Variants in ODAD1 observed in about 807,000 individuals in gnomAD.
ODAD1 encodes the protein outer dynein arm-docking complex subunit 1.
Under a neutral mutation model 67.2 loss-of-function variants are expected in ODAD1, and 49 were observed. That is an observed-to-expected ratio of 0.73 (90% confidence interval 0.58 to 0.92). The LOEUF (loss-of-function observed/expected upper bound fraction) is 0.92. ODAD1 is among the 40% of genes least tolerant of loss of function. ODAD1 has a pLI of 0.00. For synonymous variants in ODAD1, 345 were observed against 393.7 expected (o/e 0.88, Z 1.46); for missense variants, 897 against 953.7 (o/e 0.94, Z 0.78).
rs777461665 is a variant in ODAD1 at position 48,318,449 on chromosome 19, G to C, written c.298C>G (p.Arg100Gly). 2 of 1,551,626 alleles carry C rather than the reference G, an allele frequency of 1.3e-6. No homozygotes were observed. ...LENMDRLLKG[R>G]AQVQAEIEEL... ...TCGATCTCCGCCTGCACCTGGGCCC[G>C]GCCCTTCAGCAGGCGGTCCATGTTC... is the stretch of plus-strand genomic sequence containing the variant. The change falls in exon 5 of 16, where the codon CGG (arginine) becomes GGG (glycine). Residue 100 changes from arginine to glycine, a missense_variant. Physicochemically the swap from Arg to Gly is moderately radical, Grantham distance 125. Coordinates refer to ENST00000674294, the MANE Select transcript of ODAD1 (RefSeq NM_001364171.2).
chr19:48,318,765 C>G lies in ODAD1; in HGVS notation c.118G>C (p.Gly40Arg). 6.4e-7 allele frequency: 1 copy of G among 1,551,450 alleles called. No homozygotes were observed. Among genetic ancestry groups the G allele is most frequent in the Non-Finnish European group, 8.7e-7 (1 of 1,146,880 alleles). ...RLQRQCKVMEGERRAYSKEVH... is the reference protein window; with the variant it reads ...RLQRQCKVMERERRAYSKEVH... ...TCCTTGCTGTAGGCCCGCCTCTCCC[C>G]TTCCATCACTTTGCATTGTCGCTGC... Residue 40 changes from glycine to arginine, a missense_variant, in exon 4 of 16, where the codon GGG becomes CGG. Transcript: ENST00000674294.
chr19:48,311,744 G>T, intron 6 of ODAD1, 78 bp from the exon 7 acceptor site: 1 of 943,034 alleles, frequency 1.1e-6, no homozygotes, highest in Non-Finnish European at 1.7e-6. Flanking sequence ...CCAAGGAGGA[G>T]ACACTTATCA....
Position 48,298,294 on chromosome 19 carries a change from G to A in ODAD1, c.1287C>T (p.Ile429=), listed in dbSNP as rs375942259. The part of the protein sequence containing the change: ...FTKAHCDSSM[I]DDLLGVKTSM... ...TGGTCTTGACCCCAAGGAGGTCATC[G>A]ATCATGCTGCTGTCGCAATGGGCCT... Residue 429 remains isoleucine (I), a synonymous_variant, in exon 13 of 16, where the codon ATC becomes ATT. Transcript: ENST00000674294. 52 of 1,614,188 alleles carry A rather than the reference G, an allele frequency of 3.2e-5. No homozygotes were observed. The highest frequency in any genetic ancestry group is 2.2e-4 in the East Asian group (10 of 44,882).
intron 6 of ODAD1, 86 bp from the exon 7 acceptor site, chr19:48,311,752 T>C: frequency 4.4e-6 from 4 of 907,930 alleles, no homozygotes; most frequent in Non-Finnish European, 7.1e-6. Flanking sequence ...GAGACACTTA[T>C]CAGAGGTTGG....
At chr19:48,320,694 G>T in intron 2 of ODAD1, 78 bp downstream of exon 2, 1 of 177,456 alleles carries the variant, frequency 5.6e-6, no homozygotes, top group South Asian at 8.8e-5. Flanking sequence ...CGCAGGAGAG[G>T]GGGAAACCCC....
rs764932103 is a variant in ODAD1, at chr19:48,297,462, G to C, written c.1638C>G (p.Ala546=). 1.9e-6 allele frequency: 3 copies of C among 1,598,282 alleles called. No individual in the cohort carries two copies. Among genetic ancestry groups the C allele is most frequent in the Non-Finnish European group, 2.6e-6 (3 of 1,175,880 alleles). ...CGCTCAGGGTGCCGTCCAGCTTCGC[G>C]GCGGCGGCGGCCAGGTCCTTCTGGC... ...AQRQKDLAAA[A]AKLDGTLSVD... is the part of the protein sequence containing the mutation. Residue 546 remains alanine, a synonymous_variant, in exon 16 of 16, where the codon GCC becomes GCG. Transcript: ENST00000674294.
rs747874704 is a variant in ODAD1 at position 48,298,344 on chromosome 19, C to T, written c.1241-4G>A. 30 of 1,613,576 alleles carry T rather than the reference C, an allele frequency of 1.9e-5. No homozygotes were observed. The highest frequency in any genetic ancestry group is 8.9e-5 in the East Asian group (4 of 44,886). On this transcript the variant is annotated splice_region_variant and splice_polypyrimidine_tract_variant and intron_variant, in intron 12 of 15. Coordinates refer to ENST00000674294, the MANE Select transcript of ODAD1 (RefSeq NM_001364171.2). Reference sequence around the variant, plus strand: ...TTGGTGAAGAGGAGCTGGATATCTGCGTCATGGAGGGCCGGTTGTCAGGGA... The same window carrying T: ...TTGGTGAAGAGGAGCTGGATATCTGTGTCATGGAGGGCCGGTTGTCAGGGA...
At position 48,321,291 on chromosome 19, in the gene ODAD1, G is replaced by C. The variant is rs1332998345; in HGVS notation, c.-64+387C>G. ...TGATGGGCGGCGAGGTCCTGAAAGGGGCGGAGCCGGGAGGGCCTGTGGAGC... is the reference window on the plus strand; with the variant it reads ...TGATGGGCGGCGAGGTCCTGAAAGGCGCGGAGCCGGGAGGGCCTGTGGAGC... On this transcript the variant is annotated intron_variant, in intron 1 of 15. Transcript: ENST00000674294. Among the ~76,000 whole-genome samples, 5 of 152,378 alleles carry C rather than the reference G, an allele frequency of 3.3e-5. No individual in the cohort carries two copies. In the East Asian group the frequency reaches 9.6e-4, roughly 29 times the overall value.
Position 48,321,918 on chromosome 19 carries a change from G to C in ODAD1, c.-304C>G, listed in dbSNP as rs1460690204. 55 of 397,432 alleles carry C rather than the reference G, an allele frequency of 1.4e-4. No individual in the cohort carries two copies. In the East Asian group the frequency reaches 2.0e-3, roughly 14 times the overall value. The allele number at this position is 397,432 out of a possible 1,614,324, so 24.6% of individuals were successfully genotyped here. The stretch of plus-strand genomic sequence containing the variant: ...ACGCAAGCGCGACCAACGGCTTCCC[G>C]GGAAGCAGCCAAAAACGCTTGGCCG... On this transcript the variant is annotated 5_prime_UTR_variant, in exon 1 of 16. Coordinates refer to ENST00000674294, the MANE Select transcript of ODAD1 (RefSeq NM_001364171.2).
At chr19:48,320,211 T>A (rs1280084314) in intron 3 of ODAD1, 88 bp downstream of exon 3, 9 of 936,130 alleles carry the variant, frequency 9.6e-6, no homozygotes, top group Non-Finnish European at 1.3e-5. Flanking sequence ...GGACAGACAC[T>A]CTCCCTCCCT....
Position 48,302,758 on chromosome 19 carries a change from C to T in ODAD1, c.1176G>A (p.Ser392=), listed in dbSNP as rs34540645. The T allele has an allele frequency of 0.08, 129,439 of 1,613,612 alleles. 6,019 individuals carry two copies. The highest frequency in any genetic ancestry group is 0.095 in the Non-Finnish European group (111,923 of 1,179,970). The change falls in exon 12 of 16, where the codon TCG becomes TCA. Residue 392 remains serine (S), a synonymous_variant. Transcript: ENST00000674294. The part of the protein sequence containing the change: ...VLQQRMDKVH[S]EAERLEARFQ... Reference sequence around the variant, plus strand: ...AGCGGGCCTCAAGGCGCTCAGCCTCCGAGTGCACCTTGTCCATGCGCTGCT... The same window carrying T: ...AGCGGGCCTCAAGGCGCTCAGCCTCTGAGTGCACCTTGTCCATGCGCTGCT...
At chr19:48,312,662 C>T (rs150766223) in intron 5 of ODAD1, among the ~76,000 whole-genome samples, 1 of 152,164 alleles carries the variant, frequency 6.6e-6, no homozygotes, top group African/African-American at 2.4e-5. Context: ...AGTGATCCAC[C>T]CGCCTTGGCC....
chr19:48,298,679 T>C (rs759255293), intron 12 of ODAD1, among the ~76,000 whole-genome samples: 1 of 152,108 alleles, frequency 6.6e-6, no homozygotes, highest in African/African-American at 2.4e-5. Flanking sequence ...ATCTTGAAAA[T>C]CTCAGCAATT....
chr19:48,301,967 C>A (rs914245724), intron 12 of ODAD1, among the ~76,000 whole-genome samples: 2 of 150,680 alleles, frequency 1.3e-5, no homozygotes, highest in Non-Finnish European at 2.9e-5. Context: ...GGATATGGGA[C>A]AGATGGAGGT....
At chr19:48,313,675 G>C (rs1005510714) in intron 5 of ODAD1, among the ~76,000 whole-genome samples, 1 of 151,918 alleles carries the variant, frequency 6.6e-6, no homozygotes, top group African/African-American at 2.4e-5. Flanking sequence ...TCGAAGCCAG[G>C]AGTTCAAGAC....
chr19:48,302,323 T>TG (rs1160796015), intron 12 of ODAD1, among the ~76,000 whole-genome samples: 12 of 150,526 alleles, frequency 8.0e-5, no homozygotes, highest in Middle Eastern at 3.7e-3. Context: ...GGATAGACTC[T>TG]GAATGGATGG....
At position 48,297,376 on chromosome 19, in the gene ODAD1, G is replaced by T; in HGVS notation, c.1724C>A (p.Pro575His). The T allele has an allele frequency of 6.2e-7, 1 of 1,608,712 alleles. No individual in the cohort carries two copies. ...SSTVLVPTRH[P>H]HAIPGSILSH... ...CAAAATGGACCCGGGGATGGCATGG[G>T]GGTGCCTGGTGGGCACCAGGACGGT... The change falls in exon 16 of 16, where the codon CCC (proline) becomes CAC (histidine). Residue 575 changes from proline (P) to histidine (H), a missense_variant. Pro to His is a moderately conservative substitution (Grantham distance 77, BLOSUM62 -2). Transcript: ENST00000674294.
In ODAD1 at chr19:48,303,643, C is replaced by A. The variant is rs756849482; in HGVS notation, c.988+7G>T. ...GGCCTCCTCCCTCCACCCAGGGCCC[C>A]ACTCACTCTCCAGATACTTCTGCAC... is the stretch of plus-strand genomic sequence containing the variant. On this transcript the variant is annotated splice_region_variant and intron_variant, in intron 10 of 15. Transcript: ENST00000674294. 7 of 1,614,044 alleles carry A rather than the reference C, an allele frequency of 4.3e-6. No homozygotes were observed. In the East Asian group the frequency reaches 1.1e-4, roughly 26 times the overall value.
Position 48,296,984 on chromosome 19 carries a change from G to T in ODAD1, c.2116C>A (p.Arg706=). 1 of 1,600,916 alleles carries T rather than the reference G, an allele frequency of 6.2e-7. No homozygotes were observed. The change falls in exon 16 of 16, where the codon CGG becomes AGG. Residue 706 remains arginine (R), a synonymous_variant. Coordinates refer to ENST00000674294, the MANE Select transcript of ODAD1 (RefSeq NM_001364171.2). The part of the protein sequence containing the change: ...GPGSSTSKDS[R]G ...GCTGCGTGCCCCTCGTGTTAGCCCC[G>T]GGAGTCTTTGCTGGTGGAGGAGCCC...
Sources: gnomAD v4.1 joint callset for allele counts (sites outside exome capture counted in the v4.1 genomes callset) on GRCh38, gnomAD v4.1.1 for gene constraint, MANE v1.5 for transcripts, NCBI Gene and HGNC (gene_info 2026-07-23, HGNC 2026-07-21) for gene names.